GNAL: variants seen among roughly 807,000 people sequenced by gnomAD.
The protein encoded by GNAL is G protein subunit alpha L.
GNAL carries 18 observed loss-of-function variants against 55.1 expected under a neutral mutation model. The observed-to-expected ratio is 0.33, with a 90% CI of 0.23 to 0.48. The LOEUF (loss-of-function observed/expected upper bound fraction) is 0.48, where lower values mean the gene tolerates loss of function less well. Among genes scored for constraint, GNAL ranks in the 20% least tolerant of loss-of-function variants. GNAL has a pLI of 0.99. For synonymous variants in GNAL, 253 were observed against 237.0 expected, an observed-to-expected ratio of 1.07 and a Z score of -0.62; for missense variants, 412 against 614.1, an observed-to-expected ratio of 0.67 and a Z score of 3.48.
At chr18:11,776,299 T>C (rs2033781757) in intron 4 of GNAL, among the ~76,000 whole-genome samples, 1 of 152,176 alleles carries the variant, frequency 6.6e-6, no homozygotes, top group Admixed American at 6.6e-5. Flanking sequence ...GAAAAAAGAG[T>C]TACATACTCT....
intron 1 of GNAL, among the ~76,000 whole-genome samples, chr18:11,691,263 G>C (rs2031239094): frequency 6.6e-6 from 1 of 151,396 alleles, no homozygotes; most frequent in Non-Finnish European, 1.5e-5. Context: ...GTCTTCTTTT[G>C]AGAAGTGTCT....
chr18:11,864,065 CAG>C (rs756811731), intron 6 of GNAL, among the ~76,000 whole-genome samples: 6 of 150,490 alleles, frequency 4.0e-5, no homozygotes, highest in Non-Finnish European at 8.9e-5. Flanking sequence ...GAGGATAAAA[CAG>C]AGAACATTCG....
At chr18:11,862,301 T>C in intron 5 of GNAL, 94 bp from the exon 6 acceptor site, 3 of 899,724 alleles carry the variant, frequency 3.3e-6, no homozygotes, top group Non-Finnish European at 5.5e-6. Flanking sequence ...CCCCCATCCT[T>C]GCTGTACTTG....
chr18:11,784,554 G>A (rs922200154), intron 4 of GNAL, among the ~76,000 whole-genome samples: 4 of 152,236 alleles, frequency 2.6e-5, no homozygotes, highest in Non-Finnish European at 4.4e-5. Flanking sequence ...TGCTTGAGCA[G>A]AAGCAGATTG....
At position 11,753,868 on chromosome 18, in the gene GNAL, C is replaced by T; in HGVS notation, c.547C>T (p.Leu183=). ...AMSTIIPPVP[L]ANPENQFRSD... ...GAGTACTATAATACCTCCAGTTCCG[C>T]TGGCCAACCCTGAAAACCAATTTCG... is the stretch of plus-strand genomic sequence containing the variant. Residue 183 remains leucine (L), a synonymous_variant, in exon 4 of 12, where the codon CTG becomes TTG. Transcript: ENST00000334049. The T allele has an allele frequency of 6.2e-7, 1 of 1,609,032 alleles. No individual in the cohort carries two copies. Among genetic ancestry groups the T allele is most frequent in the Non-Finnish European group, 8.5e-7 (1 of 1,175,424 alleles).
At chr18:11,716,317 T>G (rs2031964327) in intron 1 of GNAL, among the ~76,000 whole-genome samples, 1 of 152,190 alleles carries the variant, frequency 6.6e-6, no homozygotes, top group African/African-American at 2.4e-5. Flanking sequence ...TGTTCAGAGT[T>G]TCTTCCTTCT....
intron 4 of GNAL, among the ~76,000 whole-genome samples, chr18:11,801,095 C>T (rs1377809187): frequency 6.6e-6 from 1 of 152,168 alleles, no homozygotes; most frequent in African/African-American, 2.4e-5. Context: ...GTTTATTCAT[C>T]CACTGCTCAT....
chr18:11,742,316 G>T (rs1431052062), intron 1 of GNAL, among the ~76,000 whole-genome samples: 1 of 152,176 alleles, frequency 6.6e-6, no homozygotes, highest in South Asian at 2.1e-4. Flanking sequence ...GGGATAAGAT[G>T]GATATATATT....
intron 7 of GNAL, among the ~76,000 whole-genome samples, chr18:11,864,850 C>A (rs2036224727): frequency 6.6e-6 from 1 of 152,142 alleles, no homozygotes; most frequent in Admixed American, 6.5e-5. Flanking sequence ...ATTTGATTGG[C>A]CCTTTTTTTT....
chr18:11,748,695 C>T (rs573971665), intron 1 of GNAL, among the ~76,000 whole-genome samples: 1 of 152,162 alleles, frequency 6.6e-6, no homozygotes, highest in South Asian at 2.1e-4. Flanking sequence ...ATAATTCTCC[C>T]TTTATAAGTT....
chr18:11,884,274 G>C lies in GNAL; in HGVS notation c.*3139G>C. The C allele has an allele frequency of 1.5e-6, 1 of 646,636 alleles. No individual in the cohort carries two copies. The highest frequency in any genetic ancestry group is 2.7e-6 in the Non-Finnish European group (1 of 372,784). 40.1% of individuals were successfully genotyped at this position (646,636 alleles called of 1,614,324 possible). A position where few individuals can be genotyped will look rare whatever the true frequency, so the allele number is the denominator to read the frequency against. ...GTACCTGTCCACTTTTATAGCATGA[G>C]AACAGTACAATCAACTATTTATTTT... On this transcript the variant is annotated 3_prime_UTR_variant, in exon 12 of 12. Transcript: ENST00000334049.
At chr18:11,712,032 G>A (rs985283518) in intron 1 of GNAL, among the ~76,000 whole-genome samples, 1 of 152,176 alleles carries the variant, frequency 6.6e-6, no homozygotes. Context: ...CTATACCATA[G>A]GCCAGGGTGC....
intron 4 of GNAL, among the ~76,000 whole-genome samples, chr18:11,766,672 T>A (rs1248864988): frequency 6.6e-6 from 1 of 152,252 alleles, no homozygotes. Flanking sequence ...GTAAATGTTT[T>A]CCAAGTGAAA....
At chr18:11,788,914 A>AAAAAAAAAAAAAAAAAAT (rs60071996) in intron 4 of GNAL, among the ~76,000 whole-genome samples, 4 of 56,302 alleles carry the variant, frequency 7.1e-5, no homozygotes, top group African/African-American at 3.0e-4. Context: ...AAAAAAAAAA[A>AAAAAAAAAAAAAAAAAAT]ATATATATAT....
At chr18:11,757,650 T>A (rs528679119) in intron 4 of GNAL, among the ~76,000 whole-genome samples, 54 of 152,132 alleles carry the variant, frequency 3.5e-4, no homozygotes, top group Non-Finnish European at 6.5e-4. Context: ...AATTTCTGCA[T>A]AGAAGGTAGA....
chr18:11,869,655 A>G (rs79110128), intron 9 of GNAL, among the ~76,000 whole-genome samples: 1,687 of 152,284 alleles, frequency 0.011, 30 homozygotes, highest in African/African-American at 0.039. Context: ...GCATACGCCT[A>G]TAATCCCAGC....
intron 4 of GNAL, among the ~76,000 whole-genome samples, chr18:11,821,503 A>G (rs2035088706): frequency 6.6e-6 from 1 of 152,238 alleles, no homozygotes; most frequent in Non-Finnish European, 1.5e-5. Flanking sequence ...ACCCTCGACA[A>G]AATAAGAACT....
chr18:11,742,114 G>T (rs1250284554), intron 1 of GNAL, among the ~76,000 whole-genome samples: 1 of 152,134 alleles, frequency 6.6e-6, no homozygotes, highest in Non-Finnish European at 1.5e-5. Context: ...CATCACATGT[G>T]CATTTTTGTA....
At chr18:11,837,228 C>T (rs1057386061) in intron 5 of GNAL, among the ~76,000 whole-genome samples, 5 of 152,104 alleles carry the variant, frequency 3.3e-5, no homozygotes, top group African/African-American at 7.2e-5. Flanking sequence ...TGGCCCACCT[C>T]GGCCTCCCAA....
Sources: gnomAD v4.1 joint callset for allele counts (sites outside exome capture counted in the v4.1 genomes callset) on GRCh38, gnomAD v4.1.1 for gene constraint, MANE v1.5 for transcripts, NCBI Gene and HGNC (gene_info 2026-07-23, HGNC 2026-07-21) for gene names.